CENPP: variants seen among roughly 807,000 people sequenced by gnomAD.
The protein encoded by CENPP is centromere protein P.
In CENPP, 24 loss-of-function variants were observed where a neutral mutation model predicts 35.6. That is an observed-to-expected ratio of 0.67 (90% confidence interval 0.49 to 0.95). The LOEUF (loss-of-function observed/expected upper bound fraction) is 0.95, where lower values mean the gene tolerates loss of function less well. Among genes scored for constraint, CENPP ranks in the 40% least tolerant of loss-of-function variants. The pLI is 0.00. For synonymous variants in CENPP, 120 were observed against 125.5 expected (o/e 0.96, Z 0.29); for missense variants, 332 against 345.3 (o/e 0.96, Z 0.31).
intron 5 of CENPP, among the ~76,000 whole-genome samples, chr9:92,589,910 TATG>T (rs150635024): frequency 0.04 from 6,060 of 152,286 alleles, 182 homozygotes; most frequent in South Asian, 0.099. Context: ...ACCCTTTAAT[TATG>T]ATGTTTTTAT....
intron 5 of CENPP, among the ~76,000 whole-genome samples, chr9:92,555,636 G>A (rs1222952297): frequency 2.6e-5 from 4 of 151,990 alleles, no homozygotes; most frequent in African/African-American, 9.7e-5. Context: ...ATTTTTCCAG[G>A]AACTTATTCA....
At chr9:92,518,575 C>A (rs1226509382) in intron 5 of CENPP, among the ~76,000 whole-genome samples, 1 of 152,164 alleles carries the variant, frequency 6.6e-6, no homozygotes, top group African/African-American at 2.4e-5. Flanking sequence ...AAATATGATT[C>A]ACATACTATA....
intron 5 of CENPP, among the ~76,000 whole-genome samples, chr9:92,529,205 A>G (rs984127002): frequency 2.0e-5 from 3 of 152,230 alleles, no homozygotes; most frequent in African/African-American, 7.2e-5. Context: ...CAACACTTCA[A>G]TCCTAAATAT....
intron 3 of CENPP, among the ~76,000 whole-genome samples, chr9:92,339,094 T>C (rs1269135627): frequency 6.6e-6 from 1 of 152,130 alleles, no homozygotes; most frequent in African/African-American, 2.4e-5. Flanking sequence ...AGGGAATGTG[T>C]GCAAAGAGGA....
chr9:92,365,780 C>G (rs1841872627), intron 4 of CENPP, among the ~76,000 whole-genome samples: 1 of 151,342 alleles, frequency 6.6e-6, no homozygotes, highest in Non-Finnish European at 1.5e-5. Flanking sequence ...TTATGTATTT[C>G]ATTTCTTTCT....
chr9:92,616,344 A>G lies in CENPP; in HGVS notation c.*3195A>G, dbSNP rs1851434324. Reference sequence around the variant, plus strand: ...TCCTCAGGCCAGTGCACCCCACCATACCAGGCGAGAGAGGGTTAAAGGACT... The same window carrying G: ...TCCTCAGGCCAGTGCACCCCACCATGCCAGGCGAGAGAGGGTTAAAGGACT... On this transcript the variant is annotated 3_prime_UTR_variant, in exon 8 of 8. Transcript: ENST00000375587. 1 of 339,620 alleles carries G rather than the reference A, an allele frequency of 2.9e-6. No individual in the cohort carries two copies. The highest frequency in any genetic ancestry group is 2.1e-5 in the African/African-American group (1 of 47,742). The allele number at this position is 339,620 out of a possible 1,614,324, so 21.0% of individuals were successfully genotyped here.
chr9:92,578,534 A>G (rs1850340906), intron 5 of CENPP, among the ~76,000 whole-genome samples: 1 of 152,064 alleles, frequency 6.6e-6, no homozygotes, highest in African/African-American at 2.4e-5. Flanking sequence ...TTTGATTTGC[A>G]TTTCTCTGAT....
In CENPP at chr9:92,616,195, T is replaced by G. The variant is rs1851427392; in HGVS notation, c.*3046T>G. ...ACTTCTGCAAAGTTAGATAAATCAA[T>G]CTCTTTTAAAAGAGAAGTGAATGGC... On this transcript the variant is annotated 3_prime_UTR_variant, in exon 8 of 8. Transcript: ENST00000375587. 3.1e-6 allele frequency: 2 copies of G among 640,954 alleles called. No homozygotes were observed. The highest frequency in any genetic ancestry group is 5.4e-6 in the Non-Finnish European group (2 of 370,374). 39.7% of individuals were successfully genotyped at this position (640,954 alleles called of 1,614,324 possible). A position where few individuals can be genotyped will look rare whatever the true frequency, so the allele number is the denominator to read the frequency against.
intron 5 of CENPP, among the ~76,000 whole-genome samples, chr9:92,474,031 C>A (rs141202754): frequency 6.6e-6 from 1 of 152,184 alleles, no homozygotes; most frequent in Non-Finnish European, 1.5e-5. Context: ...CATTAAGTCC[C>A]GTCCTTGAAC....
At chr9:92,517,919 A>T (rs768917716) in intron 5 of CENPP, 3 of 1,609,150 alleles carry the variant, frequency 1.9e-6, no homozygotes, top group Non-Finnish European at 2.5e-6. Flanking sequence ...TTATGTGATT[A>T]TCAGTAACTG....
chr9:92,612,891 G>A, intron 7 of CENPP, 128 bp from the exon 8 acceptor site: 1 of 1,129,046 alleles, frequency 8.9e-7, no homozygotes, highest in South Asian at 1.4e-5. Context: ...CCCGCCACTA[G>A]CATGTCCCAT....
chr9:92,344,369 G>T (rs1036032195), intron 3 of CENPP, among the ~76,000 whole-genome samples: 1 of 152,098 alleles, frequency 6.6e-6, no homozygotes, highest in East Asian at 1.9e-4. Flanking sequence ...GTGCTCCTGA[G>T]ATTTTTGCTT....
chr9:92,565,961 A>G (rs1168780925), intron 5 of CENPP, among the ~76,000 whole-genome samples: 4 of 152,196 alleles, frequency 2.6e-5, no homozygotes, highest in African/African-American at 7.2e-5. Context: ...TAGCGTTACC[A>G]TATTATTAGA....
intron 5 of CENPP, chr9:92,456,980 A>C: frequency 9.1e-7 from 1 of 1,098,894 alleles, no homozygotes; most frequent in Non-Finnish European, 1.1e-6. Flanking sequence ...TTGATAACAA[A>C]GTGTTAAATA....
chr9:92,557,124 ATTGTT>A (rs1358720621), intron 5 of CENPP, among the ~76,000 whole-genome samples: 1 of 152,162 alleles, frequency 6.6e-6, no homozygotes, highest in Non-Finnish European at 1.5e-5. Context: ...TTGGCTGATA[ATTGTT>A]TTGTTTGAGG....
intron 4 of CENPP, among the ~76,000 whole-genome samples, chr9:92,379,332 C>G (rs1842193466): frequency 6.6e-6 from 1 of 152,166 alleles, no homozygotes; most frequent in African/African-American, 2.4e-5. Context: ...TGAACAGCCT[C>G]CAGTCTGCAA....
At chr9:92,409,631 A>G (rs1843394894) in intron 5 of CENPP, among the ~76,000 whole-genome samples, 1 of 152,160 alleles carries the variant, frequency 6.6e-6, no homozygotes, top group Non-Finnish European at 1.5e-5. Flanking sequence ...TAAAAGTTAA[A>G]TGTGTGTTCG....
intron 4 of CENPP, among the ~76,000 whole-genome samples, chr9:92,346,962 C>T (rs1841310243): frequency 6.9e-6 from 1 of 144,220 alleles, no homozygotes; most frequent in African/African-American, 2.6e-5. Context: ...ACTTGAGTGC[C>T]TTTGAAAACA....
chr9:92,392,092 T>C lies in CENPP; in HGVS notation c.564+12233T>C, dbSNP rs1842710456. Among the ~76,000 whole-genome samples the C allele has an allele frequency of 2.0e-5, 3 of 151,856 alleles. No individual in the cohort carries two copies. The South Asian group carries it at 6.2e-4, about 32-fold the overall frequency. Reference sequence around the variant, plus strand: ...AGAAATTAGTGATCTAGGACTGGGATTTGGTACTGCAGAAATGGAGGATTC... The same window carrying C: ...AGAAATTAGTGATCTAGGACTGGGACTTGGTACTGCAGAAATGGAGGATTC... On this transcript the variant is annotated intron_variant, in intron 5 of 7. Coordinates refer to ENST00000375587, the MANE Select transcript of CENPP (RefSeq NM_001012267.3).
Sources: gnomAD v4.1 joint callset for allele counts (sites outside exome capture counted in the v4.1 genomes callset) on GRCh38, gnomAD v4.1.1 for gene constraint, MANE v1.5 for transcripts, NCBI Gene and HGNC (gene_info 2026-07-23, HGNC 2026-07-21) for gene names.